Variants in CDKL2 observed in about 807,000 individuals in gnomAD.
CDKL2 encodes the protein cyclin-dependent kinase-like 2.
Under a neutral mutation model 63.9 loss-of-function variants are expected in CDKL2, and 64 were observed. That is an observed-to-expected ratio of 1.00 (90% CI 0.82 to 1.23). The LOEUF (loss-of-function observed/expected upper bound fraction) is 1.23, where lower values mean the gene tolerates loss of function less well. Ranked by LOEUF, CDKL2 falls within the 50% of genes most tolerant of loss-of-function variation. The pLI is 0.00. For missense variants in CDKL2, 656 were observed against 668.0 expected, an observed-to-expected ratio of 0.98 and a Z score of 0.20; for synonymous variants, 211 against 229.2, an observed-to-expected ratio of 0.92 and a Z score of 0.72.
At chr4:75,591,235 AC>A (rs1287896523) in intron 12 of CDKL2, among the ~76,000 whole-genome samples, 1 of 152,160 alleles carries the variant, frequency 6.6e-6, no homozygotes, top group East Asian at 1.9e-4. Context: ...TATAAAAAAA[AC>A]CCCAGTAGCT....
At position 75,614,261 on chromosome 4, in the gene CDKL2, A is replaced by G. The variant is rs368855159; in HGVS notation, c.357T>C (p.Ser119=). 6.3e-7 allele frequency: 1 copy of G among 1,588,794 alleles called. No homozygotes were observed. Among genetic ancestry groups the G allele is most frequent in the Non-Finnish European group, 8.6e-7 (1 of 1,162,908 alleles). Residue 119 remains serine (S), a synonymous_variant, in exon 3 of 14, where the codon AGT becomes AGC. Coordinates refer to ENST00000307465, the MANE Select transcript of CDKL2 (RefSeq NM_001330724.2). ...QIINGIGFCH[S]HNIIHRDIKP... ...ATTTAAACCCAATACTTACATTGTG[A>G]CTGTGACAAAATCCAATTCCATTAA... is the stretch of plus-strand genomic sequence containing the variant.
intron 7 of CDKL2, among the ~76,000 whole-genome samples, chr4:75,599,632 C>T (rs992207923): frequency 2.6e-5 from 4 of 151,012 alleles, no homozygotes; most frequent in African/African-American, 9.7e-5. Flanking sequence ...CAAAGAATAC[C>T]CACAATTATC....
intron 10 of CDKL2, chr4:75,595,968 G>A (rs899001388): frequency 1.5e-5 from 2 of 133,426 alleles, no homozygotes; most frequent in South Asian, 1.3e-4. Flanking sequence ...AAGGAAGGAA[G>A]GAAGGAAAGA....
rs923536641 is a variant in CDKL2, at chr4:75,591,874, C to A, written c.1592G>T (p.Arg531Leu). Residue 531 changes from arginine (R) to leucine (L), a missense_variant, in exon 12 of 14, where the codon CGA (arginine) becomes CTA (leucine). Arg to Leu is a moderately radical substitution (Grantham distance 102, BLOSUM62 -2). Transcript: ENST00000307465. The part of the protein sequence containing the change: ...KKESKILSES[R>L]IPSLAAIDLH... The stretch of plus-strand genomic sequence containing the variant: ...GTCAATAGCAGCCAGAGAAGGAATT[C>A]GAGATTCTGAAAGAATTTTGCTCTC... 6.5e-7 allele frequency: 1 copy of A among 1,535,932 alleles called. No individual in the cohort carries two copies. The highest frequency in any genetic ancestry group is 8.7e-7 in the Non-Finnish European group (1 of 1,146,862).
chr4:75,582,841 T>A lies in CDKL2; in HGVS notation c.1648-943A>T, dbSNP rs776003074. Among the ~76,000 whole-genome samples, 49 of 152,250 alleles carry A rather than the reference T, an allele frequency of 3.2e-4. 1 individual carries two copies. The highest frequency in any genetic ancestry group is 6.8e-3 in the Middle Eastern group (2 of 294). On this transcript the variant is annotated intron_variant, in intron 12 of 13. Transcript: ENST00000307465. ...GGAAACAATTCAAATGCCTGAGAATTTCCCACCAGAAATTACAGAGATCAG... is the reference window on the plus strand; with the variant it reads ...GGAAACAATTCAAATGCCTGAGAATATCCCACCAGAAATTACAGAGATCAG...
Position 75,597,006 on chromosome 4 carries a change from G to A in CDKL2, c.1251C>T (p.His417=). The part of the protein sequence containing the change: ...NPSVAIPPLT[H]NLSAVAPSIN... ...TGCTGGGAGCAACTGCAGAAAGATT[G>A]TGTGTAAGTGGGGGAATTGCCACGC... Residue 417 remains histidine (H), a synonymous_variant, in exon 9 of 14, where the codon CAC becomes CAT. Coordinates refer to ENST00000307465, the MANE Select transcript of CDKL2 (RefSeq NM_001330724.2). 2 of 1,614,196 alleles carry A rather than the reference G, an allele frequency of 1.2e-6. No homozygotes were observed. Among genetic ancestry groups the A allele is most frequent in the South Asian group, 1.1e-5 (1 of 91,088 alleles).
chr4:75,611,621 T>C (rs896102389), intron 3 of CDKL2, among the ~76,000 whole-genome samples: 5 of 151,936 alleles, frequency 3.3e-5, no homozygotes, highest in East Asian at 1.9e-4. Context: ...TAAAGAGATA[T>C]GTAAATGTTC....
chr4:75,612,802 CAGAT>C (rs2148899111), intron 3 of CDKL2, among the ~76,000 whole-genome samples: 1 of 152,304 alleles, frequency 6.6e-6, no homozygotes, highest in African/African-American at 2.4e-5. Flanking sequence ...CCCTAAGAGA[CAGAT>C]AGTCTCAAAA....
At chr4:75,583,020 T>C in intron 12 of CDKL2, among the ~76,000 whole-genome samples, 1 of 152,122 alleles carries the variant, frequency 6.6e-6, no homozygotes, top group East Asian at 1.9e-4. Context: ...TTTGTCACCG[T>C]CAGACCTGCT....
intron 3 of CDKL2, among the ~76,000 whole-genome samples, chr4:75,609,477 CA>C (rs1414714471): frequency 6.6e-6 from 1 of 151,656 alleles, no homozygotes; most frequent in Non-Finnish European, 1.5e-5. Flanking sequence ...CTATGGCAGG[CA>C]CCTGTAATCC....
chr4:75,607,624 A>G (rs1183038955), intron 3 of CDKL2, among the ~76,000 whole-genome samples: 1 of 152,188 alleles, frequency 6.6e-6, no homozygotes, highest in African/African-American at 2.4e-5. Flanking sequence ...TACTGCTCTC[A>G]AGACTAAGAG....
chr4:75,583,742 G>A (rs1416984900), intron 12 of CDKL2, among the ~76,000 whole-genome samples: 6 of 151,992 alleles, frequency 3.9e-5, no homozygotes, highest in South Asian at 4.2e-4. Context: ...TGGGCAATTC[G>A]TACTTTTTAT....
Position 75,600,263 on chromosome 4 carries a change from C to T in CDKL2, c.884+18G>A. 1.3e-6 allele frequency: 2 copies of T among 1,556,802 alleles called. No individual in the cohort carries two copies. The highest frequency in any genetic ancestry group is 3.5e-5 in the Admixed American group (2 of 57,018). On this transcript the variant is annotated intron_variant, in intron 7 of 13. Coordinates refer to ENST00000307465, the MANE Select transcript of CDKL2 (RefSeq NM_001330724.2). ...CCCTAGGTTGGTATGGCCTGAAAAA[C>T]ATGGGTAAGTACTATACCTCTCAGC...
chr4:75,588,301 T>C (rs912836277), intron 12 of CDKL2, among the ~76,000 whole-genome samples: 1 of 152,054 alleles, frequency 6.6e-6, no homozygotes, highest in Non-Finnish European at 1.5e-5. Context: ...CCATTAATAT[T>C]CAAGGAACAA....
intron 3 of CDKL2, among the ~76,000 whole-genome samples, chr4:75,609,007 A>AG (rs201872093): frequency 0.025 from 3,716 of 151,630 alleles, 64 homozygotes; most frequent in Non-Finnish European, 0.037. Context: ...AAAAAAAAAA[A>AG]AAAAGAAAAG....
intron 3 of CDKL2, among the ~76,000 whole-genome samples, chr4:75,614,000 T>C (rs1293545754): frequency 3.3e-5 from 5 of 152,106 alleles, no homozygotes; most frequent in Admixed American, 6.6e-5. Flanking sequence ...GAGGTTGCAG[T>C]GAGCTGAGAT....
At chr4:75,627,299 G>A (rs772108638) in intron 1 of CDKL2, among the ~76,000 whole-genome samples, 29 of 151,324 alleles carry the variant, frequency 1.9e-4, no homozygotes, top group Non-Finnish European at 3.5e-4. Flanking sequence ...TTGGGACGGA[G>A]TCTTGCTCTG....
chr4:75,605,422 A>G (rs1729380198), intron 5 of CDKL2, 100 bp downstream of exon 5: 1 of 689,098 alleles, frequency 1.5e-6, no homozygotes, highest in Non-Finnish European at 2.5e-6. Flanking sequence ...TAAAACATAT[A>G]TAATCTTTAA....
intron 3 of CDKL2, among the ~76,000 whole-genome samples, chr4:75,608,679 C>G (rs1729540435): frequency 6.6e-6 from 1 of 152,068 alleles, no homozygotes; most frequent in Non-Finnish European, 1.5e-5. Context: ...GGAGGAAATG[C>G]AGTTTAGAAA....
Sources: allele counts gnomAD v4.1 joint callset (sites outside exome capture counted in the v4.1 genomes callset), GRCh38; gene constraint gnomAD v4.1.1; transcripts MANE v1.5; gene names NCBI Gene and HGNC (gene_info 2026-07-23, HGNC 2026-07-21).